The following JCAD variants were observed in gnomAD, a reference collection of about 807,000 sequenced individuals.
JCAD encodes junctional cadherin 5-associated protein.
JCAD carries 40 observed loss-of-function variants against 98.0 expected under a neutral mutation model. The ratio of observed to expected loss-of-function variants is 0.41; its 90% CI spans 0.32 to 0.53. The LOEUF is 0.53. Ranked by LOEUF, JCAD falls within the 20% of genes least tolerant of loss-of-function variation. JCAD has a pLI of 0.31. For synonymous variants in JCAD, 691 were observed against 682.3 expected (o/e 1.01, Z -0.20); for missense variants, 1,705 against 1,738.1 (o/e 0.98, Z 0.34).
upstream of JCAD, among the ~76,000 whole-genome samples, chr10:30,060,217 A>T (rs889549221): frequency 6.6e-6 from 1 of 152,252 alleles, no homozygotes; most frequent in African/African-American, 2.4e-5. Context: ...TCTTTCAAAA[A>T]AAAGTCTGAA....
In JCAD at chr10:30,029,179, G is replaced by C. The variant is rs1836926045; in HGVS notation, c.969C>G (p.Val323=). The C allele has an allele frequency of 6.2e-7, 1 of 1,614,168 alleles. No homozygotes were observed. The highest frequency in any genetic ancestry group is 1.7e-5 in the Admixed American group (1 of 60,032). Residue 323 remains valine (V), a synonymous_variant, in exon 3 of 4, where the codon GTC becomes GTG. Coordinates refer to ENST00000375377, the MANE Select transcript of JCAD (RefSeq NM_020848.4). The part of the protein sequence containing the change: ...SQDSQQMDAY[V]PRHELCLSDP... The stretch of plus-strand genomic sequence containing the variant: ...CTGACAGGCAGAGCTCATGCCTGGG[G>C]ACATAGGCGTCCATCTGCTGGCTGT...
chr10:30,026,075 G>T, intron 3 of JCAD, 28 bp downstream of exon 3: 1 of 1,613,570 alleles, frequency 6.2e-7, no homozygotes. Flanking sequence ...TGTATACTGA[G>T]CACCTGCCTG....
Position 30,017,611 on chromosome 10 carries a change from G to C in JCAD, c.*272C>G. 1.9e-6 allele frequency: 1 copy of C among 540,084 alleles called. No individual in the cohort carries two copies. 33.5% of individuals were successfully genotyped at this position (540,084 alleles called of 1,614,324 possible). On this transcript the variant is annotated 3_prime_UTR_variant, in exon 4 of 4. Transcript: ENST00000375377. ...CAGCTTAGTCAAATCTGTCATGAGG[G>C]AGGGTTTCTGTGAAAACTCCTTCCT...
chr10:30,103,631 C>CA (rs1491238661), intron 1 of JCAD, among the ~76,000 whole-genome samples: 391 of 145,958 alleles, frequency 2.7e-3, no homozygotes, highest in Non-Finnish European at 4.7e-3. Flanking sequence ...CACACACACA[C>CA]CCACACACAC....
At chr10:30,019,740 T>G (rs1836617448) in intron 3 of JCAD, among the ~76,000 whole-genome samples, 1 of 152,016 alleles carries the variant, frequency 6.6e-6, no homozygotes, top group Non-Finnish European at 1.5e-5. Flanking sequence ...ACACTTGGAA[T>G]TTGCTGATAG....
intron 2 of JCAD, among the ~76,000 whole-genome samples, chr10:30,039,263 G>T (rs1365031805): frequency 6.6e-6 from 1 of 152,200 alleles, no homozygotes; most frequent in Non-Finnish European, 1.5e-5. Flanking sequence ...ACCCCTGAGG[G>T]TGTTGTCACA....
intron 1 of JCAD, among the ~76,000 whole-genome samples, chr10:30,091,895 G>A (rs1470471969): frequency 6.9e-6 from 1 of 145,922 alleles, no homozygotes; most frequent in Non-Finnish European, 1.5e-5. Flanking sequence ...GGGCCTGGTG[G>A]CACGCGCCTG....
intron 3 of JCAD, among the ~76,000 whole-genome samples, chr10:30,023,354 A>G (rs950732301): frequency 2.0e-5 from 3 of 152,130 alleles, no homozygotes; most frequent in African/African-American, 7.2e-5. Flanking sequence ...TTTTCTTTAG[A>G]TATGTTTAGA....
chr10:30,066,422 G>C (rs1454250078), intron 2 of JCAD, among the ~76,000 whole-genome samples: 1 of 152,210 alleles, frequency 6.6e-6, no homozygotes, highest in African/African-American at 2.4e-5. Context: ...CCGTAGCAAA[G>C]AGCTGCTGTT....
intron 2 of JCAD, among the ~76,000 whole-genome samples, chr10:30,044,525 C>A (rs906859963): frequency 6.6e-6 from 1 of 152,136 alleles, no homozygotes; most frequent in Non-Finnish European, 1.5e-5. Context: ...CCAGGTACCC[C>A]CTAGACCGGG....
chr10:30,040,157 T>C (rs960460321), intron 2 of JCAD, among the ~76,000 whole-genome samples: 1 of 152,176 alleles, frequency 6.6e-6, no homozygotes, highest in Non-Finnish European at 1.5e-5. Context: ...TAAGCTGTAA[T>C]CAACAGGCCT....
chr10:30,060,091 T>C (rs1352758193), upstream of JCAD, among the ~76,000 whole-genome samples: 3 of 150,634 alleles, frequency 2.0e-5, no homozygotes, highest in East Asian at 3.9e-4. Context: ...CATACATACA[T>C]GGGAACACAG....
chr10:30,102,257 C>T (rs1838485194), intron 1 of JCAD, among the ~76,000 whole-genome samples: 1 of 152,154 alleles, frequency 6.6e-6, no homozygotes. Context: ...CAACCTCCAC[C>T]TCCTGGGTTC....
intron 1 of JCAD, among the ~76,000 whole-genome samples, chr10:30,078,007 G>A (rs939820282): frequency 1.3e-5 from 2 of 152,170 alleles, no homozygotes; most frequent in African/African-American, 4.8e-5. Flanking sequence ...CATAAGGACT[G>A]TACCATTTCA....
rs757761588 is a variant in JCAD, at chr10:30,028,254, G to A, written c.1894C>T (p.Leu632=). ...QSLLSMSSTD[L]ELQALTGSMG... is the part of the protein sequence containing the mutation. ...CTTCCTGTGAGGGCCTGCAGCTCCAGGTCGGTGGAAGACATGCTCAGCAGA... is the reference window on the plus strand; with the variant it reads ...CTTCCTGTGAGGGCCTGCAGCTCCAAGTCGGTGGAAGACATGCTCAGCAGA... Residue 632 remains leucine (L), a synonymous_variant, in exon 3 of 4, where the codon CTG becomes TTG. Transcript: ENST00000375377. The A allele has an allele frequency of 4.3e-6, 7 of 1,614,202 alleles. No individual in the cohort carries two copies. Among genetic ancestry groups the A allele is most frequent in the Non-Finnish European group, 5.9e-6 (7 of 1,180,046 alleles).
Position 30,028,719 on chromosome 10 carries a change from G to A in JCAD, c.1429C>T (p.Pro477Ser), listed in dbSNP as rs1193327175. The A allele has an allele frequency of 6.2e-7, 1 of 1,613,628 alleles. No homozygotes were observed. Among genetic ancestry groups the A allele is most frequent in the African/African-American group, 1.3e-5 (1 of 74,910 alleles). ...GMQPDGAIWNPQSLIPPSGDE... is the reference protein window; with the variant it reads ...GMQPDGAIWNSQSLIPPSGDE... ...CCCGACGGGGGTATTAAGCTCTGTG[G>A]ATTCCAAATGGCACCATCAGGCTGC... The change falls in exon 3 of 4, where the codon CCA becomes TCA. Residue 477 changes from proline (P) to serine (S), a missense_variant. By Grantham distance (74) the Pro-to-Ser change is moderately conservative. Coordinates refer to ENST00000375377, the MANE Select transcript of JCAD (RefSeq NM_020848.4).
chr10:30,107,679 G>A (rs12250337), intron 1 of JCAD, among the ~76,000 whole-genome samples: 1,857 of 152,060 alleles, frequency 0.012, 30 homozygotes, highest in African/African-American at 0.042. Flanking sequence ...CTATGGACTC[G>A]CCCTGAAGTC....
intron 1 of JCAD, among the ~76,000 whole-genome samples, chr10:30,101,414 A>G (rs1204437367): frequency 6.6e-6 from 1 of 152,220 alleles, no homozygotes; most frequent in Non-Finnish European, 1.5e-5. Flanking sequence ...GTCTCAAAAA[A>G]AGAGTCTGTT....
chr10:30,018,630 G>C (rs986651531), intron 3 of JCAD, among the ~76,000 whole-genome samples: 2 of 152,122 alleles, frequency 1.3e-5, no homozygotes, highest in African/African-American at 4.8e-5. Flanking sequence ...ATACAAAAGA[G>C]CAATCATCCT....
Sources: gnomAD v4.1 joint callset for allele counts (sites outside exome capture counted in the v4.1 genomes callset) on GRCh38, gnomAD v4.1.1 for gene constraint, MANE v1.5 for transcripts, NCBI Gene and HGNC (gene_info 2026-07-23, HGNC 2026-07-21) for gene names.